The following RAPGEF4 variants were observed in gnomAD, a reference collection of about 807,000 sequenced individuals.
RAPGEF4 encodes Rap guanine nucleotide exchange factor 4, also known as RAP guanine-nucleotide-exchange factor (GEF) 4.
In RAPGEF4, 66 loss-of-function variants were observed where a neutral mutation model predicts 147.9. That is an observed-to-expected ratio of 0.45 (90% CI 0.37 to 0.55). The LOEUF is 0.55. RAPGEF4 is among the 20% of genes least tolerant of loss of function. RAPGEF4 has a pLI of 0.00. For missense variants in RAPGEF4, 1,071 were observed against 1,257.3 expected, an observed-to-expected ratio of 0.85 and a Z score of 2.24; for synonymous variants, 419 against 442.7, an observed-to-expected ratio of 0.95 and a Z score of 0.67.
At chr2:172,948,726 T>C (rs973862437) in intron 6 of RAPGEF4, among the ~76,000 whole-genome samples, 4 of 152,072 alleles carry the variant, frequency 2.6e-5, no homozygotes, top group Non-Finnish European at 1.5e-5. Context: ...TACTGCATGC[T>C]CTCACTTTAA....
chr2:173,014,432 A>G, intron 17 of RAPGEF4, 32 bp from the exon 18 acceptor site: 1 of 1,612,800 alleles, frequency 6.2e-7, no homozygotes, highest in South Asian at 1.1e-5. Flanking sequence ...TGAGTGTGAA[A>G]TGGCTCAATT....
chr2:172,876,796 A>G (rs144746419), intron 4 of RAPGEF4, among the ~76,000 whole-genome samples: 29,290 of 152,068 alleles, frequency 0.19, 3,505 homozygotes, highest in Middle Eastern at 0.29. Context: ...CTCTTTTTCT[A>G]TTGATTGGAA....
At chr2:172,771,657 C>G (rs1453906207) in intron 1 of RAPGEF4, among the ~76,000 whole-genome samples, 2 of 152,016 alleles carry the variant, frequency 1.3e-5, no homozygotes, top group Non-Finnish European at 2.9e-5. Flanking sequence ...ATTGCCCAGG[C>G]TTGTCACAAA....
In RAPGEF4 at chr2:173,051,889, T is replaced by A; in HGVS notation, c.*122T>A. On this transcript the variant is annotated 3_prime_UTR_variant, in exon 31 of 31. Transcript: ENST00000397081. ...CTACAAAACAAGCAAAAACACATCCTGAGACACCTCAGGGCTGCATTCAGC... is the reference window on the plus strand; with the variant it reads ...CTACAAAACAAGCAAAAACACATCCAGAGACACCTCAGGGCTGCATTCAGC... 8.5e-7 allele frequency: 1 copy of A among 1,182,168 alleles called. No homozygotes were observed. Among genetic ancestry groups the A allele is most frequent in the Non-Finnish European group, 1.2e-6 (1 of 829,956 alleles). 73.2% of individuals were successfully genotyped at this position (1,182,168 alleles called of 1,614,324 possible).
intron 29 of RAPGEF4, among the ~76,000 whole-genome samples, chr2:173,043,272 G>A (rs1055263085): frequency 6.6e-6 from 1 of 152,204 alleles, no homozygotes; most frequent in African/African-American, 2.4e-5. Flanking sequence ...AGAAATGTAA[G>A]AAAAAGCAAT....
chr2:173,044,912 T>TC (rs1198302248), intron 29 of RAPGEF4, among the ~76,000 whole-genome samples: 2 of 151,964 alleles, frequency 1.3e-5, no homozygotes, highest in African/African-American at 4.8e-5. Context: ...AATCAGACAC[T>TC]CCCCCACTCC....
At chr2:172,971,518 A>T (rs191896583) in intron 10 of RAPGEF4, among the ~76,000 whole-genome samples, 1 of 152,348 alleles carries the variant, frequency 6.6e-6, no homozygotes, top group Admixed American at 6.5e-5. Flanking sequence ...GGTCAGAAAC[A>T]CACAAACTTG....
intron 10 of RAPGEF4, among the ~76,000 whole-genome samples, chr2:172,978,992 A>G (rs376606612): frequency 7.5e-4 from 114 of 152,354 alleles, no homozygotes; most frequent in African/African-American, 2.7e-3. Flanking sequence ...TGATCTCAAC[A>G]TAGGTACTGA....
intron 22 of RAPGEF4, among the ~76,000 whole-genome samples, chr2:173,019,048 T>A (rs1695783177): frequency 6.6e-6 from 1 of 150,720 alleles, no homozygotes; most frequent in African/African-American, 2.4e-5. Context: ...GTGTAGATGT[T>A]GGCCTGGAGT....
chr2:172,975,004 G>A (rs1690918174), intron 10 of RAPGEF4, among the ~76,000 whole-genome samples: 1 of 152,170 alleles, frequency 6.6e-6, no homozygotes, highest in Non-Finnish European at 1.5e-5. Context: ...CAGAAATGAA[G>A]TGCTTTATAG....
At chr2:172,896,468 CTATT>C (rs1308144632) in intron 4 of RAPGEF4, among the ~76,000 whole-genome samples, 1 of 151,960 alleles carries the variant, frequency 6.6e-6, no homozygotes, top group African/African-American at 2.4e-5. Context: ...CTATTTAAAG[CTATT>C]TATATAATCA....
intron 14 of RAPGEF4, 92 bp from the exon 15 acceptor site, chr2:172,990,718 C>G (rs1206184898): frequency 6.0e-6 from 5 of 833,554 alleles, no homozygotes; most frequent in Non-Finnish European, 5.9e-6. Context: ...ATTAGCATGA[C>G]AAGCACCAAA....
chr2:172,929,498 T>C (rs1685703244), intron 6 of RAPGEF4, among the ~76,000 whole-genome samples: 1 of 152,142 alleles, frequency 6.6e-6, no homozygotes, highest in African/African-American at 2.4e-5. Flanking sequence ...GAAAAGAAAA[T>C]GGTCAAATCA....
At chr2:172,832,212 T>G (rs1574978524) in intron 4 of RAPGEF4, among the ~76,000 whole-genome samples, 1 of 152,184 alleles carries the variant, frequency 6.6e-6, no homozygotes, top group South Asian at 2.1e-4. Flanking sequence ...GAATTTTTTT[T>G]AGAAATTAAT....
chr2:172,931,637 A>G (rs984747365), intron 6 of RAPGEF4, among the ~76,000 whole-genome samples: 2 of 152,208 alleles, frequency 1.3e-5, no homozygotes, highest in Admixed American at 6.5e-5. Context: ...AAAGTTAACC[A>G]CAAAGATGAA....
Position 172,913,978 on chromosome 2 carries a change from T to A in RAPGEF4, c.445-3824T>A, listed in dbSNP as rs1236021707. On this transcript the variant is annotated intron_variant, in intron 4 of 30. Coordinates refer to ENST00000397081, the MANE Select transcript of RAPGEF4 (RefSeq NM_007023.4). ...ATGTATATTCACACACACAAACATC[T>A]TTTATTCCCACAAAATGGTATATAC... Among the ~76,000 whole-genome samples the A allele has an allele frequency of 3.9e-5, 6 of 152,210 alleles. No homozygotes were observed. The East Asian group carries it at 1.2e-3, about 29-fold the overall frequency.
chr2:172,824,628 G>A (rs1352606207), intron 4 of RAPGEF4, among the ~76,000 whole-genome samples: 1 of 152,218 alleles, frequency 6.6e-6, no homozygotes, highest in East Asian at 1.9e-4. Flanking sequence ...TTTAGAGGTT[G>A]CCTATGTGGA....
intron 4 of RAPGEF4, among the ~76,000 whole-genome samples, chr2:172,906,082 G>T (rs1575193371): frequency 6.6e-6 from 1 of 152,236 alleles, no homozygotes; most frequent in Admixed American, 6.5e-5. Flanking sequence ...GCCATGTGTT[G>T]TGTCCATTTT....
chr2:173,031,357 C>T (rs555837575), intron 26 of RAPGEF4, among the ~76,000 whole-genome samples: 1 of 152,180 alleles, frequency 6.6e-6, no homozygotes, highest in East Asian at 1.9e-4. Flanking sequence ...GGACGGAGCT[C>T]GTGCTGCCAA....
Sources: allele counts gnomAD v4.1 joint callset (sites outside exome capture counted in the v4.1 genomes callset), GRCh38; gene constraint gnomAD v4.1.1; transcripts MANE v1.5; gene names NCBI Gene and HGNC (gene_info 2026-07-23, HGNC 2026-07-21).